The following WDR70 variants were observed in gnomAD, a reference collection of about 807,000 sequenced individuals.
WDR70 encodes WD repeat-containing protein 70.
In WDR70, 53 loss-of-function variants were observed where a neutral mutation model predicts 88.6. That is an observed-to-expected ratio of 0.60 (90% CI 0.48 to 0.75). The LOEUF (loss-of-function observed/expected upper bound fraction) is 0.75. WDR70 is among the 30% of genes least tolerant of loss of function. WDR70 has a pLI of 0.00. For missense variants in WDR70, 610 were observed against 823.2 expected (o/e 0.74, Z 3.17); for synonymous variants, 280 against 270.0 (o/e 1.04, Z -0.36).
At chr5:37,697,569 G>T (rs1309615128) in intron 10 of WDR70, 86 bp from the exon 11 acceptor site, 1 of 1,063,290 alleles carries the variant, frequency 9.4e-7, no homozygotes, top group Non-Finnish European at 1.4e-6. Flanking sequence ...TATTTTCATC[G>T]TAATAAAGTG....
At chr5:37,732,179 A>G (rs569959763) in intron 17 of WDR70, among the ~76,000 whole-genome samples, 1 of 152,248 alleles carries the variant, frequency 6.6e-6, no homozygotes, top group East Asian at 1.9e-4. Context: ...AGAGATACCA[A>G]CTGCCTCAAT....
At chr5:37,678,726 C>G (rs1033523224) in intron 10 of WDR70, among the ~76,000 whole-genome samples, 1 of 152,096 alleles carries the variant, frequency 6.6e-6, no homozygotes, top group Admixed American at 6.6e-5. Flanking sequence ...TTGCTCTTCT[C>G]GAGGAGTATT....
intron 10 of WDR70, among the ~76,000 whole-genome samples, chr5:37,694,381 A>G (rs190777040): frequency 2.6e-5 from 4 of 152,240 alleles, no homozygotes; most frequent in Admixed American, 6.5e-5. Context: ...TTATGCTCCT[A>G]TAGAGACACG....
chr5:37,527,838 C>T (rs1207656882), intron 9 of WDR70, among the ~76,000 whole-genome samples: 3 of 152,158 alleles, frequency 2.0e-5, no homozygotes, highest in African/African-American at 7.2e-5. Flanking sequence ...AGACACTTCT[C>T]AAAAGAAGTC....
At chr5:37,477,601 G>A (rs1000262662) in intron 7 of WDR70, among the ~76,000 whole-genome samples, 1 of 152,074 alleles carries the variant, frequency 6.6e-6, no homozygotes, top group African/African-American at 2.4e-5. Flanking sequence ...CAAGCCTATT[G>A]TGTTAACAGT....
Position 37,394,061 on chromosome 5 carries a change from C to G in WDR70, c.296+1941C>G, listed in dbSNP as rs1013419640. 5.3e-5 allele frequency among the ~76,000 whole-genome samples: 8 copies of G among 151,960 alleles called. 1 individual carries two copies. Among genetic ancestry groups the G allele is most frequent in the African/African-American group, 1.9e-4 (8 of 41,378 alleles). On this transcript the variant is annotated intron_variant, in intron 4 of 17. Transcript: ENST00000265107. Reference sequence around the variant, plus strand: ...GTGGCTCATGCCTGTAATCCCAGCACTTTGGGAGGCCGAACTGGGTGGATC... The same window carrying G: ...GTGGCTCATGCCTGTAATCCCAGCAGTTTGGGAGGCCGAACTGGGTGGATC...
intron 10 of WDR70, among the ~76,000 whole-genome samples, chr5:37,667,525 G>T (rs1745890318): frequency 6.6e-6 from 1 of 152,122 alleles, no homozygotes; most frequent in South Asian, 2.1e-4. Flanking sequence ...ACAAATAGAG[G>T]TCTTTTTCCT....
intron 9 of WDR70, among the ~76,000 whole-genome samples, chr5:37,519,424 C>T (rs866851903): frequency 2.2e-4 from 31 of 139,308 alleles, no homozygotes; most frequent in Non-Finnish European, 2.9e-4. Flanking sequence ...CCAGACGGGG[C>T]GGCCGGGCGG....
intron 10 of WDR70, among the ~76,000 whole-genome samples, chr5:37,623,226 G>T (rs902792737): frequency 6.6e-6 from 1 of 152,074 alleles, no homozygotes; most frequent in Non-Finnish European, 1.5e-5. Context: ...AATTTGTCTT[G>T]ATACAGCTGA....
intron 9 of WDR70, among the ~76,000 whole-genome samples, chr5:37,521,703 TACACACACACACACACACAC>T (rs59206188): frequency 6.9e-6 from 1 of 145,222 alleles, no homozygotes; most frequent in Non-Finnish European, 1.5e-5. Context: ...AGTCCAAGTA[TACACACACACACACACACAC>T]ACACACACAC....
intron 7 of WDR70, among the ~76,000 whole-genome samples, chr5:37,471,386 T>A (rs1739320607): frequency 6.6e-6 from 1 of 152,064 alleles, no homozygotes; most frequent in African/African-American, 2.4e-5. Flanking sequence ...AGACAACTTC[T>A]CATAACATTA....
chr5:37,614,411 C>A (rs1744274604), intron 10 of WDR70, among the ~76,000 whole-genome samples: 1 of 152,184 alleles, frequency 6.6e-6, no homozygotes, highest in Non-Finnish European at 1.5e-5. Flanking sequence ...TTAAATCAAT[C>A]TGAAACCTTA....
chr5:37,476,221 T>C (rs1739476040), intron 7 of WDR70, among the ~76,000 whole-genome samples: 1 of 152,218 alleles, frequency 6.6e-6, no homozygotes, highest in South Asian at 2.1e-4. Flanking sequence ...ACTATTCTTT[T>C]AGTCGTTAGT....
At chr5:37,643,054 C>T (rs1385940805) in intron 10 of WDR70, among the ~76,000 whole-genome samples, 1 of 151,954 alleles carries the variant, frequency 6.6e-6, no homozygotes, top group African/African-American at 2.4e-5. Flanking sequence ...TTGCAAGAAA[C>T]CTTTGCCCAG....
At chr5:37,422,577 A>G (rs1306459445) in intron 5 of WDR70, among the ~76,000 whole-genome samples, 1 of 152,108 alleles carries the variant, frequency 6.6e-6, no homozygotes, top group Non-Finnish European at 1.5e-5. Context: ...TCCTGGGTTC[A>G]AGTGATTCTT....
At chr5:37,701,748 T>G (rs1258510368) in intron 12 of WDR70, among the ~76,000 whole-genome samples, 1 of 141,678 alleles carries the variant, frequency 7.1e-6, no homozygotes, top group Non-Finnish European at 1.5e-5. Context: ...ATTGCGCCAC[T>G]GCACTCCAGC....
chr5:37,616,783 A>G (rs1012536862), intron 10 of WDR70, among the ~76,000 whole-genome samples: 1 of 152,238 alleles, frequency 6.6e-6, no homozygotes, highest in Admixed American at 6.5e-5. Flanking sequence ...AGCATGACAT[A>G]TTAATAAATA....
At chr5:37,392,935 G>A (rs769057925) in intron 4 of WDR70, among the ~76,000 whole-genome samples, 95 of 152,138 alleles carry the variant, frequency 6.2e-4, no homozygotes, top group Non-Finnish European at 1.2e-3. Context: ...GTGAGCCACC[G>A]TGCCTGGCAT....
chr5:37,521,740 A>ACACACACACACC (rs57080738), intron 9 of WDR70, among the ~76,000 whole-genome samples: 22 of 131,274 alleles, frequency 1.7e-4, no homozygotes, highest in African/African-American at 5.5e-4. Flanking sequence ...ACACACACAC[A>ACACACACACACC]CCCACATGTT....
Sources: gnomAD v4.1 joint callset for allele counts (sites outside exome capture counted in the v4.1 genomes callset) on GRCh38, gnomAD v4.1.1 for gene constraint, MANE v1.5 for transcripts, NCBI Gene and HGNC (gene_info 2026-07-23, HGNC 2026-07-21) for gene names.